RBFOX1: variants seen among roughly 807,000 people sequenced by gnomAD.
RBFOX1 encodes RNA binding fox-1 homolog 1, also known as RNA binding protein fox-1 homolog 1.
Under a neutral mutation model 57.7 loss-of-function variants are expected in RBFOX1, and 8 were observed. That is an observed-to-expected ratio of 0.14 (90% CI 0.08 to 0.25). The LOEUF is 0.25. RBFOX1 is among the 10% of genes least tolerant of loss of function. The pLI is 1.00. For synonymous variants in RBFOX1, 326 were observed against 222.4 expected (o/e 1.47, Z -4.15); for missense variants, 611 against 548.5 (o/e 1.11, Z -1.14).
chr16:6,655,373 CAAA>C (rs71406388), intron 3 of RBFOX1, among the ~76,000 whole-genome samples: 2,604 of 32,826 alleles, frequency 0.079, 20 homozygotes, highest in Middle Eastern at 0.14. Context: ...GCCTCCGTTT[CAAA>C]AAAAAAAAAA....
At chr16:5,550,789 A>G (rs528425244) in intron 2 of RBFOX1, among the ~76,000 whole-genome samples, 2 of 152,338 alleles carry the variant, frequency 1.3e-5, no homozygotes, top group African/African-American at 2.4e-5. Context: ...AACAATAACA[A>G]TTCATGCTTT....
chr16:6,432,517 CAAA>C (rs71145230), intron 2 of RBFOX1, among the ~76,000 whole-genome samples: 1 of 116,682 alleles, frequency 8.6e-6, no homozygotes. Context: ...ACTAAAAATA[CAAA>C]AAAAAAAAAA....
intron 3 of RBFOX1, among the ~76,000 whole-genome samples, chr16:6,856,979 G>C (rs1476884577): frequency 6.6e-6 from 1 of 152,140 alleles, no homozygotes; most frequent in African/African-American, 2.4e-5. Flanking sequence ...ACAAAGAGAA[G>C]GAGGACTTGA....
chr16:7,393,420 C>T (rs1034726654), intron 4 of RBFOX1, among the ~76,000 whole-genome samples: 2 of 152,174 alleles, frequency 1.3e-5, no homozygotes, highest in African/African-American at 4.8e-5. Flanking sequence ...TAATATTACA[C>T]TCAAGTACAC....
At chr16:6,705,249 C>A (rs995706768) in intron 3 of RBFOX1, 2 of 152,138 alleles carry the variant, frequency 1.3e-5, no homozygotes, top group Non-Finnish European at 2.9e-5. Flanking sequence ...ACTGCAACTC[C>A]AGTGAGGTTA....
At chr16:7,102,968 C>G (rs535152573) in intron 4 of RBFOX1, among the ~76,000 whole-genome samples, 56 of 152,098 alleles carry the variant, frequency 3.7e-4, no homozygotes, top group African/African-American at 1.3e-3. Flanking sequence ...GAGCTTGAGA[C>G]TAGCTCTGCT....
At chr16:5,862,986 G>A (rs1053527592) in intron 3 of RBFOX1, among the ~76,000 whole-genome samples, 1 of 152,144 alleles carries the variant, frequency 6.6e-6, no homozygotes. Context: ...ATGTGTGGGA[G>A]TCCCAGGAGG....
At chr16:7,261,496 A>G (rs2094918591) in intron 4 of RBFOX1, among the ~76,000 whole-genome samples, 1 of 152,132 alleles carries the variant, frequency 6.6e-6, no homozygotes, top group South Asian at 2.1e-4. Context: ...TCTCCCTGCC[A>G]AAGGGAACAC....
chr16:5,757,184 AGCAT>A (rs2053427803), intron 3 of RBFOX1, among the ~76,000 whole-genome samples: 2 of 150,438 alleles, frequency 1.3e-5, no homozygotes, highest in African/African-American at 2.4e-5. Flanking sequence ...AGGGAGAAAG[AGCAT>A]GAAGAGCGTG....
chr16:5,611,957 C>G (rs1156246843), intron 3 of RBFOX1, among the ~76,000 whole-genome samples: 1 of 151,858 alleles, frequency 6.6e-6, no homozygotes, highest in Non-Finnish European at 1.5e-5. Flanking sequence ...GAGACCCCAT[C>G]TGTACAAAAA....
intron 3 of RBFOX1, among the ~76,000 whole-genome samples, chr16:7,023,564 T>TAAAAAAAAAAAAAAAAA (rs34056673): frequency 0.011 from 469 of 43,922 alleles, 48 homozygotes; most frequent in Middle Eastern, 0.024. Flanking sequence ...TCGTCTGTAC[T>TAAAAAAAAAAAAAAAAA]AAAAAAAAAA....
At chr16:5,840,625 A>G (rs2056596637) in intron 3 of RBFOX1, among the ~76,000 whole-genome samples, 1 of 152,228 alleles carries the variant, frequency 6.6e-6, no homozygotes, top group Non-Finnish European at 1.5e-5. Flanking sequence ...TGGGCTTCAC[A>G]GAATGAAAAC....
At chr16:5,309,397 G>T (rs2064022374) in intron 1 of RBFOX1, among the ~76,000 whole-genome samples, 1 of 152,172 alleles carries the variant, frequency 6.6e-6, no homozygotes, top group Admixed American at 6.5e-5. Flanking sequence ...GAACTTAGTG[G>T]TTATATGCCA....
At chr16:5,441,524 C>G (rs1005006777) in intron 1 of RBFOX1, among the ~76,000 whole-genome samples, 40 of 152,170 alleles carry the variant, frequency 2.6e-4, no homozygotes, top group African/African-American at 9.2e-4. Context: ...GCCACCATGC[C>G]TGGCTAATTT....
chr16:6,668,838 C>T (rs1055326139), intron 3 of RBFOX1, among the ~76,000 whole-genome samples: 2 of 151,822 alleles, frequency 1.3e-5, no homozygotes, highest in African/African-American at 4.8e-5. Context: ...TAATTTTTAG[C>T]AAACTTCTTT....
chr16:6,032,948 C>G (rs1271735503), intron 1 of RBFOX1, among the ~76,000 whole-genome samples: 1 of 150,206 alleles, frequency 6.7e-6, no homozygotes, highest in African/African-American at 2.4e-5. Flanking sequence ...TAGGATCCAG[C>G]TTAGCTTCTG....
intron 4 of RBFOX1, among the ~76,000 whole-genome samples, chr16:5,938,714 A>G (rs2059219616): frequency 6.6e-6 from 1 of 152,026 alleles, no homozygotes. Flanking sequence ...GTTGCTTCTC[A>G]TTGCTCCAGG....
At chr16:7,512,156 A>T (rs1343503943) in intron 4 of RBFOX1, among the ~76,000 whole-genome samples, 1 of 152,194 alleles carries the variant, frequency 6.6e-6, no homozygotes, top group East Asian at 1.9e-4. Flanking sequence ...CAGCTTCTGC[A>T]AATGAGGGAA....
chr16:7,307,613 C>T (rs976295257), intron 4 of RBFOX1, among the ~76,000 whole-genome samples: 2 of 151,982 alleles, frequency 1.3e-5, no homozygotes, highest in African/African-American at 4.8e-5. Context: ...CTCTTTTTTC[C>T]TCCACATCCA....
Sources: gnomAD v4.1 joint callset for allele counts (sites outside exome capture counted in the v4.1 genomes callset) on GRCh38, gnomAD v4.1.1 for gene constraint, MANE v1.5 for transcripts, NCBI Gene and HGNC (gene_info 2026-07-23, HGNC 2026-07-21) for gene names.